Variants in GNAQ observed in about 807,000 individuals in gnomAD.
GNAQ encodes the protein guanine nucleotide-binding protein G(q) subunit alpha.
In GNAQ, 8 loss-of-function variants were observed where a neutral mutation model predicts 43.9. The observed-to-expected ratio is 0.18, with a 90% CI of 0.11 to 0.33. The LOEUF is 0.33. Among genes scored for constraint, GNAQ ranks in the 10% least tolerant of loss-of-function variants. The pLI, the probability that GNAQ is intolerant of heterozygous loss-of-function variation, is 1.00. For missense variants in GNAQ, 158 were observed against 450.8 expected, an observed-to-expected ratio of 0.35 and a Z score of 5.88; for synonymous variants, 155 against 170.7, an observed-to-expected ratio of 0.91 and a Z score of 0.71.
At chr9:77,728,733 G>A (rs1825439888) in intron 5 of GNAQ, 66 bp from the exon 6 acceptor site, 2 of 1,154,830 alleles carry the variant, frequency 1.7e-6, no homozygotes, top group East Asian at 2.3e-5. Flanking sequence ...TTTGTGAATT[G>A]TGTTTATTTT....
At chr9:77,754,953 A>G (rs1444803354) in intron 5 of GNAQ, among the ~76,000 whole-genome samples, 2 of 152,250 alleles carry the variant, frequency 1.3e-5, no homozygotes, top group African/African-American at 4.8e-5. Flanking sequence ...AGCACTATTC[A>G]CAACAGCCAA....
At chr9:77,756,365 C>A (rs1825903770) in intron 5 of GNAQ, among the ~76,000 whole-genome samples, 2 of 152,252 alleles carry the variant, frequency 1.3e-5, no homozygotes, top group South Asian at 2.1e-4. Flanking sequence ...AGCAACCTGA[C>A]TGAAAGTCTG....
At chr9:77,746,942 C>CT (rs2118279078) in intron 5 of GNAQ, among the ~76,000 whole-genome samples, 1 of 152,038 alleles carries the variant, frequency 6.6e-6, no homozygotes, top group East Asian at 1.9e-4. Context: ...AAAATTTTGT[C>CT]TTTTTTAGTT....
intron 1 of GNAQ, among the ~76,000 whole-genome samples, chr9:77,997,670 T>C (rs1823586590): frequency 2.0e-5 from 3 of 152,082 alleles, no homozygotes; most frequent in South Asian, 4.1e-4. Flanking sequence ...CATCAATAAA[T>C]GTAGGACCTG....
intron 3 of GNAQ, among the ~76,000 whole-genome samples, chr9:77,810,202 T>G (rs1826894687): frequency 6.9e-6 from 1 of 145,680 alleles, no homozygotes; most frequent in Non-Finnish European, 1.5e-5. Flanking sequence ...CTAAAAACTG[T>G]CAATCATCTA....
chr9:77,860,299 T>A (rs1305092796), intron 2 of GNAQ, among the ~76,000 whole-genome samples: 1 of 152,112 alleles, frequency 6.6e-6, no homozygotes, highest in East Asian at 1.9e-4. Context: ...AGCCCATCTT[T>A]CTGACTAGTT....
Position 77,923,543 on chromosome 9 carries a change from T to C in GNAQ, c.137-1198A>G, listed in dbSNP as rs114831095. ...AATCTAAAAGCTTCATTTTTCTAAA[T>C]ATGAGTGGTTATTTTCATGTGTCCT... On this transcript the variant is annotated intron_variant, in intron 1 of 6. Transcript: ENST00000286548. Among the ~76,000 whole-genome samples, 1,073 of 152,278 alleles carry C rather than the reference T, an allele frequency of 7.0e-3. 19 individuals carry two copies. Among genetic ancestry groups the C allele is most frequent in the African/African-American group, 0.024 (996 of 41,554 alleles).
chr9:78,002,480 C>A (rs1421059557), intron 1 of GNAQ, among the ~76,000 whole-genome samples: 1 of 152,140 alleles, frequency 6.6e-6, no homozygotes, highest in Non-Finnish European at 1.5e-5. Context: ...AACTTCAGGG[C>A]CCCTCCAGAC....
chr9:77,804,833 C>G (rs772983002), intron 3 of GNAQ, among the ~76,000 whole-genome samples: 1 of 151,958 alleles, frequency 6.6e-6, no homozygotes, highest in Non-Finnish European at 1.5e-5. Context: ...GGTAGGTCTT[C>G]ACATTTTTAA....
At chr9:77,728,814 G>A (rs1825440907) in intron 5 of GNAQ, 147 bp from the exon 6 acceptor site, 2 of 603,882 alleles carry the variant, frequency 3.3e-6, no homozygotes, top group East Asian at 5.5e-5. Context: ...GGATTTATAT[G>A]CAAATGATTC....
intron 1 of GNAQ, among the ~76,000 whole-genome samples, chr9:78,004,439 T>C (rs1823681320): frequency 6.6e-6 from 1 of 152,022 alleles, no homozygotes; most frequent in African/African-American, 2.4e-5. Context: ...CTCTCAGGTC[T>C]CACCCCAGAC....
intron 1 of GNAQ, among the ~76,000 whole-genome samples, chr9:77,991,047 A>T (rs1823500949): frequency 6.6e-6 from 1 of 152,264 alleles, no homozygotes; most frequent in Non-Finnish European, 1.5e-5. Context: ...CTCCAACTAG[A>T]GAAATTGCTT....
Position 78,026,825 on chromosome 9 carries a change from C to T in GNAQ, c.136+4275G>A, listed in dbSNP as rs80190843. ...TATAGCTTTCAGTACAAATGCATAT[C>T]CTTCATATTAAAAATGTTCTAACTG... On this transcript the variant is annotated intron_variant, in intron 1 of 6. Coordinates refer to ENST00000286548, the MANE Select transcript of GNAQ (RefSeq NM_002072.5). Among the ~76,000 whole-genome samples the T allele has an allele frequency of 7.0e-3, 1,066 of 152,280 alleles. 17 individuals are homozygous for T. Among genetic ancestry groups the T allele is most frequent in the African/African-American group, 0.024 (990 of 41,548 alleles).
chr9:77,988,232 TCAGAGAGATAGAA>T (rs1823466772), intron 1 of GNAQ, among the ~76,000 whole-genome samples: 1 of 152,196 alleles, frequency 6.6e-6, no homozygotes, highest in African/African-American at 2.4e-5. Flanking sequence ...TAGCTTCAGC[TCAGAGAGATAGAA>T]GGTTCTCCAC....
chr9:77,813,815 G>A (rs1226600164), intron 3 of GNAQ, among the ~76,000 whole-genome samples: 1 of 152,148 alleles, frequency 6.6e-6, no homozygotes, highest in East Asian at 1.9e-4. Flanking sequence ...GAGGGGAGGA[G>A]ATAAGACTGA....
intron 1 of GNAQ, among the ~76,000 whole-genome samples, chr9:77,926,792 C>T (rs1829078458): frequency 1.3e-5 from 2 of 152,172 alleles, no homozygotes; most frequent in South Asian, 4.1e-4. Context: ...TCTGCCTTTT[C>T]TTATCTCAGC....
At chr9:77,886,750 C>T (rs1170394911) in intron 2 of GNAQ, among the ~76,000 whole-genome samples, 8 of 152,084 alleles carry the variant, frequency 5.3e-5, no homozygotes, top group Non-Finnish European at 1.2e-4. Context: ...TAAAGAAAAG[C>T]TACTGGCTCA....
chr9:77,792,879 C>A (rs1382493679), intron 5 of GNAQ, among the ~76,000 whole-genome samples: 1 of 152,040 alleles, frequency 6.6e-6, no homozygotes, highest in Non-Finnish European at 1.5e-5. Context: ...CAAAGGCTTA[C>A]CTTTCCCCCT....
At chr9:77,961,897 G>GT (rs1189460480) in intron 1 of GNAQ, among the ~76,000 whole-genome samples, 1 of 152,168 alleles carries the variant, frequency 6.6e-6, no homozygotes, top group African/African-American at 2.4e-5. Flanking sequence ...AGACAAGGAT[G>GT]TTTTTTAAAA....
Sources: gnomAD v4.1 joint callset for allele counts (sites outside exome capture counted in the v4.1 genomes callset) on GRCh38, gnomAD v4.1.1 for gene constraint, MANE v1.5 for transcripts, NCBI Gene and HGNC (gene_info 2026-07-23, HGNC 2026-07-21) for gene names.